Variants in DIAPH3 observed in about 807,000 individuals in gnomAD.
DIAPH3 encodes the protein diaphanous related formin 3.
Under a neutral mutation model 144.3 loss-of-function variants are expected in DIAPH3, and 117 were observed. That is an observed-to-expected ratio of 0.81 (90% CI 0.70 to 0.95). The LOEUF (loss-of-function observed/expected upper bound fraction) is 0.95. Ranked by LOEUF, DIAPH3 falls within the 40% of genes least tolerant of loss-of-function variation. The pLI is 0.00. For missense variants in DIAPH3, 1,421 were observed against 1,412.7 expected (o/e 1.01, Z -0.09); for synonymous variants, 519 against 488.9 (o/e 1.06, Z -0.81).
chr13:59,675,206 C>T (rs2032577749), intron 27 of DIAPH3, among the ~76,000 whole-genome samples: 2 of 152,002 alleles, frequency 1.3e-5, no homozygotes, highest in South Asian at 4.1e-4. Flanking sequence ...GCTAGGTCTA[C>T]AGGCACGTAT....
At chr13:60,156,562 A>G (rs1952031808) in intron 1 of DIAPH3, among the ~76,000 whole-genome samples, 1 of 152,080 alleles carries the variant, frequency 6.6e-6, no homozygotes. Context: ...GTGTGGTGTC[A>G]ACTCCAATCT....
At chr13:59,683,689 C>T (rs2033065470) in intron 27 of DIAPH3, among the ~76,000 whole-genome samples, 1 of 152,150 alleles carries the variant, frequency 6.6e-6, no homozygotes, top group African/African-American at 2.4e-5. Context: ...ACCAGAAGTC[C>T]TGAGTTTGAG....
intron 20 of DIAPH3, among the ~76,000 whole-genome samples, chr13:59,887,483 T>G (rs941585347): frequency 6.6e-6 from 1 of 152,098 alleles, no homozygotes; most frequent in Non-Finnish European, 1.5e-5. Flanking sequence ...CACCGGTAAT[T>G]TTAAATTAGG....
intron 5 of DIAPH3, among the ~76,000 whole-genome samples, chr13:60,033,239 T>C (rs2054939535): frequency 6.6e-6 from 1 of 152,248 alleles, no homozygotes; most frequent in Non-Finnish European, 1.5e-5. Context: ...CCCATATTCT[T>C]CTGAGCTCTC....
intron 9 of DIAPH3, among the ~76,000 whole-genome samples, chr13:60,004,972 A>T (rs771591645): frequency 1.3e-5 from 2 of 152,222 alleles, no homozygotes; most frequent in Non-Finnish European, 2.9e-5. Flanking sequence ...CGGAAGGAAA[A>T]CATTGCTCTA....
chr13:59,772,052 T>A (rs2139262831), intron 27 of DIAPH3, among the ~76,000 whole-genome samples: 1 of 152,150 alleles, frequency 6.6e-6, no homozygotes, highest in African/African-American at 2.4e-5. Flanking sequence ...TTTAAGTATA[T>A]AAAAGCAAAT....
chr13:59,802,661 A>ATTTTTTTTTTTTTTTTTTTTTTTTTTTTT (rs200597459), intron 25 of DIAPH3, among the ~76,000 whole-genome samples: 1 of 26,150 alleles, frequency 3.8e-5, no homozygotes, highest in Non-Finnish European at 7.6e-5. Flanking sequence ...TATTATTATT[A>ATTTTTTTTTTTTTTTTTTTTTTTTTTTTT]TTATTATTTT....
chr13:59,781,588 G>A (rs1053560179), intron 25 of DIAPH3, among the ~76,000 whole-genome samples: 8 of 152,128 alleles, frequency 5.3e-5, no homozygotes, highest in Admixed American at 2.6e-4. Flanking sequence ...ACAGAGTAGT[G>A]GCCACAGAAC....
At chr13:59,810,400 C>A (rs61956708) in intron 25 of DIAPH3, among the ~76,000 whole-genome samples, 2 of 152,070 alleles carry the variant, frequency 1.3e-5, no homozygotes, top group African/African-American at 4.8e-5. Flanking sequence ...CTTTTTTTCC[C>A]TCCCTTGGGA....
At chr13:59,685,525 C>T (rs189535421) in intron 27 of DIAPH3, among the ~76,000 whole-genome samples, 2 of 152,112 alleles carry the variant, frequency 1.3e-5, no homozygotes, top group Non-Finnish European at 2.9e-5. Context: ...TATTGTTTAT[C>T]TCCATTTCCC....
intron 4 of DIAPH3, among the ~76,000 whole-genome samples, chr13:60,059,728 C>G (rs1207415907): frequency 6.6e-6 from 1 of 151,928 alleles, no homozygotes; most frequent in African/African-American, 2.4e-5. Flanking sequence ...CATGGATGTT[C>G]TAATTTGCCA....
In DIAPH3 at chr13:59,840,459, G is replaced by C. The variant is rs557901039; in HGVS notation, c.2738-1011C>G. On this transcript the variant is annotated intron_variant, in intron 22 of 27. Coordinates refer to ENST00000400324, the MANE Select transcript of DIAPH3 (RefSeq NM_001042517.2). ...TCTAAATGCCCAACAAAATGAAACT[G>C]AGTTGTTTTTTTTTTAATTTTAGCT... 4.6e-5 allele frequency among the ~76,000 whole-genome samples: 7 copies of C among 151,820 alleles called. No homozygotes were observed. In the East Asian group the frequency reaches 7.7e-4, roughly 17 times the overall value.
chr13:59,729,031 T>C (rs1046020741), intron 27 of DIAPH3, among the ~76,000 whole-genome samples: 4 of 152,322 alleles, frequency 2.6e-5, no homozygotes, highest in African/African-American at 4.8e-5. Flanking sequence ...CACAATGAGA[T>C]GCTCAGAAGG....
chr13:59,832,274 T>C (rs1313491913), intron 24 of DIAPH3, among the ~76,000 whole-genome samples: 1 of 151,800 alleles, frequency 6.6e-6, no homozygotes, highest in East Asian at 1.9e-4. Context: ...GTGTTTTTAT[T>C]AAAAGGCTAT....
intron 12 of DIAPH3, among the ~76,000 whole-genome samples, chr13:59,989,357 CAT>C (rs2051655416): frequency 6.6e-6 from 1 of 151,456 alleles, no homozygotes; most frequent in South Asian, 2.1e-4. Context: ...GGAATAAAAG[CAT>C]ATTTTAAGAA....
intron 18 of DIAPH3, among the ~76,000 whole-genome samples, chr13:59,918,072 A>G (rs2047316829): frequency 6.6e-6 from 1 of 151,810 alleles, no homozygotes; most frequent in African/African-American, 2.4e-5. Flanking sequence ...GTGAAAGAAA[A>G]TACCTTCAAA....
chr13:59,943,009 A>AT (rs1594074448), intron 17 of DIAPH3, among the ~76,000 whole-genome samples: 1 of 152,186 alleles, frequency 6.6e-6, no homozygotes, highest in East Asian at 1.9e-4. Context: ...ATTCTTGCAT[A>AT]TTTTTCCATA....
chr13:59,904,991 A>G (rs1180764715), intron 20 of DIAPH3, among the ~76,000 whole-genome samples: 1 of 152,152 alleles, frequency 6.6e-6, no homozygotes, highest in Non-Finnish European at 1.5e-5. Flanking sequence ...CAACTAAAAA[A>G]GAAAAACAAT....
chr13:60,117,947 C>T (rs138681148), intron 2 of DIAPH3, among the ~76,000 whole-genome samples: 1 of 152,164 alleles, frequency 6.6e-6, no homozygotes, highest in African/African-American at 2.4e-5. Flanking sequence ...GCAAGAAACA[C>T]AACCCAGAGA....
Sources: allele counts gnomAD v4.1 joint callset (sites outside exome capture counted in the v4.1 genomes callset), GRCh38; gene constraint gnomAD v4.1.1; transcripts MANE v1.5; gene names NCBI Gene and HGNC (gene_info 2026-07-23, HGNC 2026-07-21).